RUVBL1: variants seen among roughly 807,000 people sequenced by gnomAD.
RUVBL1 encodes ruvB-like 1.
Under a neutral mutation model 52.4 loss-of-function variants are expected in RUVBL1, and 4 were observed. The ratio of observed to expected loss-of-function variants is 0.08; its 90% CI spans 0.04 to 0.17. The LOEUF is 0.17. RUVBL1 is among the 10% of genes least tolerant of loss of function. The probability of loss-of-function intolerance (pLI) is 1.00; values close to 1 mark genes in which losing one functional copy is unlikely to be tolerated. For missense variants in RUVBL1, 298 were observed against 572.8 expected, an observed-to-expected ratio of 0.52 and a Z score of 4.90; for synonymous variants, 217 against 214.4, an observed-to-expected ratio of 1.01 and a Z score of -0.10.
upstream of RUVBL1, chr3:128,123,890 C>A: frequency 1.6e-6 from 2 of 1,264,646 alleles, no homozygotes; most frequent in South Asian, 5.5e-5. Flanking sequence ...CATAGGCTCA[C>A]GGCTGCGCCC....
At chr3:128,146,849 G>C (rs1416311658) in intron 1 of RUVBL1, among the ~76,000 whole-genome samples, 1 of 152,192 alleles carries the variant, frequency 6.6e-6, no homozygotes, top group African/African-American at 2.4e-5. Context: ...GTGTGCGTTT[G>C]TGTCTCTGTG....
At chr3:128,090,260 A>G (rs545925632) in intron 8 of RUVBL1, among the ~76,000 whole-genome samples, 82 of 152,344 alleles carry the variant, frequency 5.4e-4, no homozygotes, top group African/African-American at 1.8e-3. Flanking sequence ...AGCCGGGCGC[A>G]GTGGCTCACG....
At chr3:128,091,329 C>T (rs201153646) in intron 8 of RUVBL1, among the ~76,000 whole-genome samples, 1 of 152,174 alleles carries the variant, frequency 6.6e-6, no homozygotes, top group Non-Finnish European at 1.5e-5. Flanking sequence ...CACAGTTTAA[C>T]AAGGCAGCCA....
At chr3:128,138,501 G>A (rs945732011) in intron 1 of RUVBL1, among the ~76,000 whole-genome samples, 1 of 151,820 alleles carries the variant, frequency 6.6e-6, no homozygotes, top group Non-Finnish European at 1.5e-5. Flanking sequence ...AACAACCAAA[G>A]AAGTCAGAGA....
At chr3:128,150,859 A>AATATAATATTC (rs1195956487) in intron 1 of RUVBL1, among the ~76,000 whole-genome samples, 20 of 74,410 alleles carry the variant, frequency 2.7e-4, no homozygotes, top group South Asian at 4.5e-4. Flanking sequence ...TCTATATATT[A>AATATAATATTC]TATATTATAT....
chr3:128,101,890 T>C (rs1943116063), intron 4 of RUVBL1, among the ~76,000 whole-genome samples: 2 of 152,138 alleles, frequency 1.3e-5, no homozygotes, highest in African/African-American at 2.4e-5. Flanking sequence ...TGCATCCCTA[T>C]GTAACGAGCA....
intron 9 of RUVBL1, among the ~76,000 whole-genome samples, chr3:128,075,477 A>AT (rs1301579483): frequency 1.3e-5 from 2 of 151,998 alleles, no homozygotes; most frequent in African/African-American, 2.4e-5. Context: ...GTGTATGCAC[A>AT]TTTTTTTTAA....
intron 1 of RUVBL1, among the ~76,000 whole-genome samples, chr3:128,149,789 G>A (rs1314561833): frequency 6.6e-6 from 1 of 152,226 alleles, no homozygotes; most frequent in African/African-American, 2.4e-5. Context: ...CTTCGGTGAT[G>A]TTGTAACACC....
chr3:128,069,469 C>T (rs1309066628), intron 9 of RUVBL1: 3 of 1,608,570 alleles, frequency 1.9e-6, no homozygotes, highest in East Asian at 4.5e-5. Flanking sequence ...TGTGTCCCCT[C>T]CCCCAGGTAC....
chr3:128,137,324 A>G (rs1277323474), intron 1 of RUVBL1, among the ~76,000 whole-genome samples: 1 of 152,146 alleles, frequency 6.6e-6, no homozygotes, highest in African/African-American at 2.4e-5. Flanking sequence ...AACAGAGAAG[A>G]CCCAAATGAA....
chr3:128,142,157 G>A (rs1321540506), intron 1 of RUVBL1, among the ~76,000 whole-genome samples: 1 of 152,176 alleles, frequency 6.6e-6, no homozygotes, highest in Non-Finnish European at 1.5e-5. Context: ...ACGTCCCAAC[G>A]CAATGGGTAA....
intron 3 of RUVBL1, among the ~76,000 whole-genome samples, chr3:128,109,180 G>GTTA (rs1289031300): frequency 6.6e-5 from 10 of 152,126 alleles, no homozygotes; most frequent in Non-Finnish European, 5.9e-5. Flanking sequence ...CGGTGGTGAC[G>GTTA]GTATAAGCCT....
At chr3:128,079,110 G>C (rs1380968372), downstream of RUVBL1, 1 of 152,386 alleles carries the variant, frequency 6.6e-6, no homozygotes, top group East Asian at 1.9e-4. Flanking sequence ...TCTGCTGTCA[G>C]CGCCACTTCC....
chr3:128,084,315 A>G (rs1942571609), intron 9 of RUVBL1: 1 of 152,282 alleles, frequency 6.6e-6, no homozygotes, highest in South Asian at 2.1e-4. Flanking sequence ...TGGATGGTAC[A>G]AGGACAACCA....
At chr3:128,151,616 C>T (rs1365809836) in intron 1 of RUVBL1, among the ~76,000 whole-genome samples, 1 of 151,950 alleles carries the variant, frequency 6.6e-6, no homozygotes, top group East Asian at 1.9e-4. Context: ...GGTGGGAAAA[C>T]GGAAACAAAG....
upstream of RUVBL1, among the ~76,000 whole-genome samples, chr3:128,126,201 T>TTGTG (rs10576695): frequency 1.8e-3 from 261 of 147,620 alleles, 3 homozygotes; most frequent in South Asian, 8.9e-3. Context: ...AGTTGTTCCT[T>TTGTG]TGTGTGTGTG....
exon 1 of RUVBL1, chr3:128,153,580 C>T: frequency 6.4e-7 from 1 of 1,558,246 alleles, no homozygotes. Context: ...GGCGCTGGCG[C>T]GGGCGCTAAG....
At chr3:128,080,055 G>A (rs116875025), downstream of RUVBL1, among the ~76,000 whole-genome samples, 146 of 152,316 alleles carry the variant, frequency 9.6e-4, 1 homozygote, top group East Asian at 9.5e-3. Context: ...ATCCTACTGG[G>A]AAGGCACATT....
At position 128,082,475 on chromosome 3, in the gene RUVBL1, C is replaced by T. The variant is rs1241181895; in HGVS notation, c.1211+8G>A. 4 of 1,611,986 alleles carry T rather than the reference C, an allele frequency of 2.5e-6. No homozygotes were observed. In the East Asian group the frequency reaches 8.9e-5, roughly 36 times the overall value. On this transcript the variant is annotated splice_region_variant and intron_variant, in intron 10 of 10. Coordinates refer to ENST00000322623, the MANE Select transcript of RUVBL1 (RefSeq NM_003707.3). This position sits in a 1 kb window ranked among gnomAD's most constrained non-coding sequence, Gnocchi z 4.7. ...GGAGGCCCCGGCGGGCCCAGGGTAC[C>T]AGCTCACCTCAGTGTGGTCTTGGTG... is the stretch of plus-strand genomic sequence containing the variant.
Sources: allele counts gnomAD v4.1 joint callset (sites outside exome capture counted in the v4.1 genomes callset), GRCh38; gene constraint gnomAD v4.1.1; non-coding constraint Gnocchi (gnomAD v3.1); transcripts MANE v1.5; gene names NCBI Gene and HGNC (gene_info 2026-07-23, HGNC 2026-07-21).